The following ADAMTSL3 variants were observed in gnomAD, a reference collection of about 807,000 sequenced individuals.
ADAMTSL3 encodes the protein ADAMTS-like protein 3.
Under a neutral mutation model 201.7 loss-of-function variants are expected in ADAMTSL3, and 128 were observed. The ratio of observed to expected loss-of-function variants is 0.63; its 90% CI spans 0.55 to 0.73. ADAMTSL3 has a LOEUF of 0.73. ADAMTSL3 is among the 30% of genes least tolerant of loss of function. ADAMTSL3 has a pLI of 0.00. For synonymous variants in ADAMTSL3, 738 were observed against 748.4 expected, an observed-to-expected ratio of 0.99 and a Z score of 0.23; for missense variants, 1,990 against 2,119.6, an observed-to-expected ratio of 0.94 and a Z score of 1.20.
chr15:83,758,142 A>G (rs2401129), intron 3 of ADAMTSL3, among the ~76,000 whole-genome samples: 30,965 of 151,896 alleles, frequency 0.2, 4,112 homozygotes, highest in Middle Eastern at 0.38. Flanking sequence ...GCAGCACCCC[A>G]CTCTACCAGT....
In ADAMTSL3 at chr15:83,913,140, T is replaced by A; in HGVS notation, c.1749T>A (p.Gly583=). 6.2e-7 allele frequency: 1 copy of A among 1,614,094 alleles called. No homozygotes were observed. The highest frequency in any genetic ancestry group is 8.5e-7 in the Non-Finnish European group (1 of 1,180,000). Residue 583 remains glycine, a synonymous_variant, in exon 16 of 30, where the codon GGT becomes GGA. Transcript: ENST00000286744. ...WSACSTTCGP[G]VQVREVKCRV... ...CCTGCAGTACCACGTGTGGGCCGGG[T>A]GTGCAGGTCCGTGAGGTGAAGTGCC...
At chr15:83,934,262 G>A (rs760691904) in intron 17 of ADAMTSL3, among the ~76,000 whole-genome samples, 26 of 152,200 alleles carry the variant, frequency 1.7e-4, no homozygotes, top group Admixed American at 5.2e-4. Flanking sequence ...ACCTGTATGC[G>A]ACACACGAAG....
chr15:83,847,693 C>T (rs1041443985), intron 7 of ADAMTSL3, among the ~76,000 whole-genome samples: 7 of 151,824 alleles, frequency 4.6e-5, no homozygotes, highest in Non-Finnish European at 7.4e-5. Context: ...TGGAGTTTCA[C>T]CATGTTGGTC....
chr15:83,960,703 C>T (rs74935974), intron 19 of ADAMTSL3, among the ~76,000 whole-genome samples: 2,143 of 152,256 alleles, frequency 0.014, 53 homozygotes, highest in African/African-American at 0.046. Flanking sequence ...TTATTTGTCT[C>T]ATCAACTATT....
chr15:83,690,581 C>T (rs761051730), intron 2 of ADAMTSL3, among the ~76,000 whole-genome samples: 23 of 152,174 alleles, frequency 1.5e-4, no homozygotes, highest in Non-Finnish European at 2.9e-4. Flanking sequence ...GTGACACTTA[C>T]GCTCCTGTGC....
intron 4 of ADAMTSL3, among the ~76,000 whole-genome samples, chr15:83,802,267 G>T (rs1032540013): frequency 3.3e-5 from 5 of 152,040 alleles, no homozygotes; most frequent in Non-Finnish European, 4.4e-5. Flanking sequence ...AATATGTATT[G>T]TAAGTATGGA....
At chr15:83,781,069 A>G (rs1191466250) in intron 4 of ADAMTSL3, among the ~76,000 whole-genome samples, 1 of 152,210 alleles carries the variant, frequency 6.6e-6, no homozygotes, top group African/African-American at 2.4e-5. Flanking sequence ...TTTCTATTCA[A>G]GTAACATTGA....
At chr15:83,985,342 T>C (rs2067455021) in intron 21 of ADAMTSL3, among the ~76,000 whole-genome samples, 1 of 152,160 alleles carries the variant, frequency 6.6e-6, no homozygotes, top group African/African-American at 2.4e-5. Context: ...TGGCAACAAA[T>C]ACTGTCAGTT....
At chr15:83,995,104 C>G (rs775419925) in intron 23 of ADAMTSL3, among the ~76,000 whole-genome samples, 3 of 152,122 alleles carry the variant, frequency 2.0e-5, no homozygotes, top group Admixed American at 1.3e-4. Flanking sequence ...GCCCCTGCCT[C>G]CTGCAGTCAC....
chr15:83,878,133 T>A (rs2065210169), intron 9 of ADAMTSL3, among the ~76,000 whole-genome samples: 1 of 152,194 alleles, frequency 6.6e-6, no homozygotes, highest in Non-Finnish European at 1.5e-5. Context: ...ATTTTTTCTT[T>A]TTCTAGTTTG....
At chr15:83,994,198 C>G (rs929732499) in intron 23 of ADAMTSL3, among the ~76,000 whole-genome samples, 1 of 152,198 alleles carries the variant, frequency 6.6e-6, no homozygotes, top group African/African-American at 2.4e-5. Context: ...TTAGAGCAAA[C>G]TCAAACTGCC....
intron 6 of ADAMTSL3, among the ~76,000 whole-genome samples, chr15:83,821,722 G>T (rs1444597175): frequency 1.3e-5 from 2 of 152,218 alleles, no homozygotes; most frequent in Admixed American, 6.5e-5. Flanking sequence ...CAAAACCGCC[G>T]TTGTCGTCAT....
At chr15:83,837,830 A>G (rs2064304856) in intron 6 of ADAMTSL3, among the ~76,000 whole-genome samples, 2 of 151,852 alleles carry the variant, frequency 1.3e-5, no homozygotes, top group Non-Finnish European at 2.9e-5. Context: ...AAATCTGAAT[A>G]AAAATATAAA....
rs949885867 is a variant in ADAMTSL3 at position 83,909,693 on chromosome 15, C to A, written c.1701-3399C>A. Among the ~76,000 whole-genome samples, 4 of 152,210 alleles carry A rather than the reference C, an allele frequency of 2.6e-5. No individual in the cohort carries two copies. In the South Asian group the frequency reaches 8.3e-4, roughly 32 times the overall value. ...GCAGTGGTGTGATCTCAGCTCACTG[C>A]AACCTCTGCCTTCTGGGTTCAAGTG... On this transcript the variant is annotated intron_variant, in intron 15 of 29. Transcript: ENST00000286744.
intron 3 of ADAMTSL3, among the ~76,000 whole-genome samples, chr15:83,724,592 T>C (rs1292651667): frequency 6.6e-6 from 1 of 152,068 alleles, no homozygotes; most frequent in Non-Finnish European, 1.5e-5. Context: ...CTATAGTAAA[T>C]TATTGTTGAC....
At chr15:83,677,947 TC>T (rs2061428581) in intron 2 of ADAMTSL3, among the ~76,000 whole-genome samples, 1 of 151,800 alleles carries the variant, frequency 6.6e-6, no homozygotes, top group African/African-American at 2.4e-5. Context: ...TTTCTCTCTC[TC>T]TCTCTCTGTC....
intron 4 of ADAMTSL3, among the ~76,000 whole-genome samples, chr15:83,802,694 G>A (rs547308661): frequency 1.7e-4 from 26 of 152,288 alleles, no homozygotes; most frequent in Middle Eastern, 6.8e-3. Context: ...CTGAGGGTGG[G>A]GGAAGAGGTT....
At chr15:83,672,661 A>G (rs1014597903) in intron 2 of ADAMTSL3, among the ~76,000 whole-genome samples, 3 of 152,350 alleles carry the variant, frequency 2.0e-5, no homozygotes, top group East Asian at 1.9e-4. Flanking sequence ...AACAAGTCCA[A>G]CACCCTTTAC....
chr15:84,037,001 C>T lies in ADAMTSL3; in HGVS notation c.4969+14C>T. 1 of 1,612,178 alleles carries T rather than the reference C, an allele frequency of 6.2e-7. No individual in the cohort carries two copies. The highest frequency in any genetic ancestry group is 8.5e-7 in the Non-Finnish European group (1 of 1,178,748). On this transcript the variant is annotated intron_variant, in intron 29 of 29. Transcript: ENST00000286744. ...CCTCCTGTGATAGTACGTACACCTC[C>T]CAGGTATCTCCACTGCCCCAGAGGC...
Sources: allele counts gnomAD v4.1 joint callset (sites outside exome capture counted in the v4.1 genomes callset), GRCh38; gene constraint gnomAD v4.1.1; transcripts MANE v1.5; gene names NCBI Gene and HGNC (gene_info 2026-07-23, HGNC 2026-07-21).